Variants in LINGO2 observed in about 807,000 individuals in gnomAD.
LINGO2 encodes leucine rich repeat and Ig domain containing 2.
Under a neutral mutation model 30.6 loss-of-function variants are expected in LINGO2, and 14 were observed. The ratio of observed to expected loss-of-function variants is 0.46; its 90% CI spans 0.30 to 0.72. LINGO2 has a LOEUF of 0.72. Ranked by LOEUF, LINGO2 falls within the 30% of genes least tolerant of loss-of-function variation. The pLI, the probability that LINGO2 is intolerant of heterozygous loss-of-function variation, is 0.07. For missense variants in LINGO2, 729 were observed against 751.7 expected (o/e 0.97, Z 0.35); for synonymous variants, 317 against 288.5 (o/e 1.10, Z -1.00).
At chr9:28,102,467 T>C (rs1285596861) in intron 4 of LINGO2, among the ~76,000 whole-genome samples, 1 of 152,098 alleles carries the variant, frequency 6.6e-6, no homozygotes, top group Non-Finnish European at 1.5e-5. Flanking sequence ...CAAGAAAACA[T>C]TTGCAAGATA....
chr9:28,459,093 A>T (rs1824970045), intron 2 of LINGO2, among the ~76,000 whole-genome samples: 1 of 152,154 alleles, frequency 6.6e-6, no homozygotes, highest in Admixed American at 6.6e-5. Context: ...TAATTCCAAT[A>T]GTACTCTACA....
intron 3 of LINGO2, among the ~76,000 whole-genome samples, chr9:28,363,203 C>G (rs145446204): frequency 6.6e-6 from 1 of 152,306 alleles, no homozygotes; most frequent in Admixed American, 6.5e-5. Context: ...AACTGGGATT[C>G]AAGCCCAGAT....
At chr9:28,511,970 C>T (rs1820403877) in intron 1 of LINGO2, among the ~76,000 whole-genome samples, 1 of 152,152 alleles carries the variant, frequency 6.6e-6, no homozygotes. Flanking sequence ...GTCTTCTCTT[C>T]CTCTGTCAAC....
At chr9:28,126,283 A>G (rs986630322) in intron 4 of LINGO2, among the ~76,000 whole-genome samples, 2 of 152,202 alleles carry the variant, frequency 1.3e-5, no homozygotes, top group South Asian at 2.1e-4. Flanking sequence ...AAAACCTAGA[A>G]TAAGTACTGA....
chr9:28,039,278 G>A lies in LINGO2; in HGVS notation c.-86-26873C>T, dbSNP rs894015515. ...ATTTTAAGAAATTGGGCTAATAAAAGGAAAAGGCCAATACACTTGACTACG... is the reference window on the plus strand; with the variant it reads ...ATTTTAAGAAATTGGGCTAATAAAAAGAAAAGGCCAATACACTTGACTACG... On this transcript the variant is annotated intron_variant, in intron 4 of 5. Coordinates refer to ENST00000379992, the Ensembl canonical transcript of LINGO2. Among the ~76,000 whole-genome samples the A allele has an allele frequency of 3.9e-5, 6 of 152,238 alleles. No homozygotes were observed. The East Asian group carries it at 1.2e-3, about 29-fold the overall frequency.
chr9:28,711,692 A>G, the LINGO2 span, among the ~76,000 whole-genome samples: 1 of 152,126 alleles, frequency 6.6e-6, no homozygotes, highest in African/African-American at 2.4e-5. Context: ...TCCTTCACTA[A>G]CTACCTGATT....
the LINGO2 span, among the ~76,000 whole-genome samples, chr9:28,942,782 T>A: frequency 6.6e-6 from 1 of 152,204 alleles, no homozygotes; most frequent in Non-Finnish European, 1.5e-5. Flanking sequence ...GTCTTCCCTA[T>A]GAGAGAGTGA....
chr9:28,571,913 T>C (rs571732365), intron 1 of LINGO2, among the ~76,000 whole-genome samples: 1 of 152,160 alleles, frequency 6.6e-6, no homozygotes, highest in Non-Finnish European at 1.5e-5. Flanking sequence ...CCAAACTTTG[T>C]TTTATTTTTA....
chr9:28,618,394 C>G (rs1393445539), intron 1 of LINGO2, among the ~76,000 whole-genome samples: 1 of 152,086 alleles, frequency 6.6e-6, no homozygotes, highest in Non-Finnish European at 1.5e-5. Context: ...CCATTGCTAT[C>G]CACACACAAA....
chr9:28,988,566 AT>A, the LINGO2 span, among the ~76,000 whole-genome samples: 5 of 152,288 alleles, frequency 3.3e-5, no homozygotes, highest in African/African-American at 1.2e-4. Flanking sequence ...TAATACTGAC[AT>A]TTTGTTCACT....
chr9:28,241,709 A>G (rs897879031), intron 4 of LINGO2, among the ~76,000 whole-genome samples: 66 of 152,176 alleles, frequency 4.3e-4, no homozygotes, highest in African/African-American at 1.5e-3. Flanking sequence ...CATCTTATAT[A>G]GAAGTGTTCC....
At chr9:28,589,773 A>C (rs1160452479) in intron 1 of LINGO2, among the ~76,000 whole-genome samples, 7 of 151,908 alleles carry the variant, frequency 4.6e-5, no homozygotes, top group Admixed American at 6.6e-5. Flanking sequence ...GCTACCAATG[A>C]CTTTCTTCAC....
chr9:28,685,545 A>G, the LINGO2 span, among the ~76,000 whole-genome samples: 6 of 152,024 alleles, frequency 3.9e-5, no homozygotes, highest in Middle Eastern at 3.2e-3. Flanking sequence ...ATTTGAATCT[A>G]TTATACTCAG....
At chr9:28,780,828 TAATGTGTGTGTG>T in the LINGO2 span, among the ~76,000 whole-genome samples, 1 of 139,364 alleles carries the variant, frequency 7.2e-6, no homozygotes, top group South Asian at 2.2e-4. Flanking sequence ...ATCTTGGTAG[TAATGTGTGTGTG>T]TGTGTGTGTG....
At chr9:29,025,128 G>GT in the LINGO2 span, among the ~76,000 whole-genome samples, 2 of 150,980 alleles carry the variant, frequency 1.3e-5, no homozygotes, top group African/African-American at 2.4e-5. Flanking sequence ...ACATCTGTGG[G>GT]AACTCAGCTT....
intron 4 of LINGO2, among the ~76,000 whole-genome samples, chr9:28,149,674 C>CCG (rs1274224531): frequency 2.2e-5 from 3 of 138,236 alleles, no homozygotes; most frequent in East Asian, 2.3e-4. Flanking sequence ...CCCCCTTACA[C>CCG]TCTGGGAAGT....
chr9:28,126,430 G>A (rs1827237950), intron 4 of LINGO2, among the ~76,000 whole-genome samples: 1 of 152,152 alleles, frequency 6.6e-6, no homozygotes, highest in East Asian at 1.9e-4. Context: ...ATAACAAAGA[G>A]TTGTATATGG....
the LINGO2 span, among the ~76,000 whole-genome samples, chr9:28,738,642 A>C: frequency 2.0e-5 from 3 of 152,098 alleles, no homozygotes; most frequent in African/African-American, 7.2e-5. Flanking sequence ...TGAATACAAA[A>C]ATAGATGCTA....
chr9:28,569,799 C>CA lies in LINGO2; in HGVS notation c.-364-93775dup, dbSNP rs577682340. On this transcript the variant is annotated intron_variant, in intron 1 of 5. Transcript: ENST00000379992. ...TACTATCTGAAGTATTCTCACCAGA[C>CA]AAAAAAGGTAACTATGTGAGGTAAC... Among the ~76,000 whole-genome samples, 29 of 151,596 alleles carry CA rather than the reference C, an allele frequency of 1.9e-4. No homozygotes were observed. In the South Asian group the frequency reaches 4.6e-3, roughly 24 times the overall value.
Sources: allele counts gnomAD v4.1 joint callset (sites outside exome capture counted in the v4.1 genomes callset), GRCh38; gene constraint gnomAD v4.1.1; transcripts MANE v1.5; gene names NCBI Gene and HGNC (gene_info 2026-07-23, HGNC 2026-07-21).